The following PPFIA2 variants were observed in gnomAD, a reference collection of about 807,000 sequenced individuals.
PPFIA2 encodes PPFI scaffold protein A2.
In PPFIA2, 46 loss-of-function variants were observed where a neutral mutation model predicts 175.5. The observed-to-expected ratio is 0.26, with a 90% CI of 0.21 to 0.34. PPFIA2 has a LOEUF of 0.34. Among genes scored for constraint, PPFIA2 ranks in the 10% least tolerant of loss-of-function variants. The pLI, the probability that PPFIA2 is intolerant of heterozygous loss-of-function variation, is 1.00. For missense variants in PPFIA2, 1,179 were observed against 1,506.1 expected (o/e 0.78, Z 3.60); for synonymous variants, 568 against 511.4 (o/e 1.11, Z -1.49).
intron 7 of PPFIA2, among the ~76,000 whole-genome samples, chr12:81,421,438 T>C (rs1007259085): frequency 1.3e-5 from 2 of 152,148 alleles, no homozygotes; most frequent in South Asian, 2.1e-4. Context: ...TTGTATTCAA[T>C]TGAAGTTAAG....
At position 81,467,723 on chromosome 12, in the gene PPFIA2, T is replaced by C. The variant is rs369665677; in HGVS notation, c.304-9857A>G. On this transcript the variant is annotated intron_variant, in intron 4 of 32. Transcript: ENST00000549396. Reference sequence around the variant, plus strand: ...TCAAGATGTTTTCTGGTGTCTGAAATGCAATGATAGTATAAAACATATTTG... The same window carrying C: ...TCAAGATGTTTTCTGGTGTCTGAAACGCAATGATAGTATAAAACATATTTG... Among the ~76,000 whole-genome samples the C allele has an allele frequency of 1.3e-4, 20 of 152,204 alleles. No individual in the cohort carries two copies. In the South Asian group the frequency reaches 3.9e-3, roughly 30 times the overall value.
At chr12:81,491,442 T>G (rs183967991) in intron 4 of PPFIA2, among the ~76,000 whole-genome samples, 1 of 152,054 alleles carries the variant, frequency 6.6e-6, no homozygotes, top group East Asian at 1.9e-4. Flanking sequence ...TTGTCTTTAT[T>G]TATTGCTAGA....
intron 24 of PPFIA2, among the ~76,000 whole-genome samples, chr12:81,287,966 A>G (rs563671805): frequency 6.6e-6 from 1 of 151,948 alleles, no homozygotes; most frequent in African/African-American, 2.4e-5. Flanking sequence ...CTGTGCTGCA[A>G]TCTCCCCCAA....
chr12:81,621,587 G>A (rs1354127337), intron 4 of PPFIA2, among the ~76,000 whole-genome samples: 6 of 152,110 alleles, frequency 3.9e-5, no homozygotes, highest in Admixed American at 1.3e-4. Flanking sequence ...AGCTAATTGT[G>A]GTTTATACAG....
At chr12:81,571,315 G>GA (rs2072501392) in intron 4 of PPFIA2, among the ~76,000 whole-genome samples, 1 of 152,000 alleles carries the variant, frequency 6.6e-6, no homozygotes, top group African/African-American at 2.4e-5. Context: ...AAGGAAGAAG[G>GA]AAAAAATATC....
intron 14 of PPFIA2, 118 bp downstream of exon 14, chr12:81,366,990 T>G (rs2033670370): frequency 8.7e-7 from 1 of 1,149,430 alleles, no homozygotes; most frequent in South Asian, 1.8e-5. Context: ...GTTAAAATTG[T>G]TTTACAAAGA....
chr12:81,291,775 A>C (rs1288502004), intron 24 of PPFIA2, among the ~76,000 whole-genome samples: 3 of 152,096 alleles, frequency 2.0e-5, no homozygotes, highest in Non-Finnish European at 2.9e-5. Flanking sequence ...AGGAATCGAT[A>C]AATGAATAAT....
At chr12:81,261,505 A>G (rs2035528206) in intron 32 of PPFIA2, among the ~76,000 whole-genome samples, 1 of 152,078 alleles carries the variant, frequency 6.6e-6, no homozygotes, top group African/African-American at 2.4e-5. Flanking sequence ...ACCATCTCTA[A>G]ATCATTTTCC....
chr12:81,669,916 T>A (rs568387831), intron 4 of PPFIA2, among the ~76,000 whole-genome samples: 109 of 152,152 alleles, frequency 7.2e-4, no homozygotes, highest in African/African-American at 2.4e-3. Flanking sequence ...TTACATTTCA[T>A]AAAACCTGTC....
At chr12:81,515,002 T>G (rs1594310640) in intron 4 of PPFIA2, among the ~76,000 whole-genome samples, 1 of 152,076 alleles carries the variant, frequency 6.6e-6, no homozygotes, top group East Asian at 1.9e-4. Flanking sequence ...ATCTTTAAGA[T>G]CATATACAGC....
chr12:81,443,681 G>A (rs2050652482), intron 6 of PPFIA2, among the ~76,000 whole-genome samples: 2 of 151,840 alleles, frequency 1.3e-5, no homozygotes, highest in African/African-American at 4.8e-5. Flanking sequence ...ACATTCTCTA[G>A]TACCTTCATT....
intron 5 of PPFIA2, among the ~76,000 whole-genome samples, chr12:81,446,976 T>C (rs1038120781): frequency 6.6e-6 from 1 of 152,060 alleles, no homozygotes; most frequent in Admixed American, 6.5e-5. Flanking sequence ...TAAACATGCA[T>C]AAATCAGTAG....
chr12:81,259,881 A>G (rs552150314), intron 32 of PPFIA2: 25 of 391,724 alleles, frequency 6.4e-5, no homozygotes, highest in Non-Finnish European at 1.1e-4. Context: ...AATTTGCTCA[A>G]CTTTGTGGAA....
In PPFIA2 at chr12:81,736,151, T is replaced by C. The variant is rs543592745; in HGVS notation, c.249+17822A>G. ...AACTGTGTTGAATTTATAGACAAAT[T>C]TGGGCATATATGACATCTTAATAAT... On this transcript the variant is annotated intron_variant, in intron 3 of 32. Transcript: ENST00000549396. Among the ~76,000 whole-genome samples the C allele has an allele frequency of 4.6e-5, 7 of 152,110 alleles. No individual in the cohort carries two copies. The South Asian group carries it at 1.4e-3, about 31-fold the overall frequency.
At chr12:81,652,732 C>T (rs1055886171) in intron 4 of PPFIA2, among the ~76,000 whole-genome samples, 1 of 151,978 alleles carries the variant, frequency 6.6e-6, no homozygotes, top group Admixed American at 6.6e-5. Context: ...TTTCTACTTG[C>T]TCTTTGTAGA....
intron 4 of PPFIA2, chr12:81,471,321 T>A (rs536137728): frequency 6.6e-6 from 1 of 151,258 alleles, no homozygotes; most frequent in African/African-American, 2.4e-5. Context: ...AGTTTTATTT[T>A]TATTTATTTA....
chr12:81,704,052 T>C (rs191125855), intron 3 of PPFIA2, among the ~76,000 whole-genome samples: 1 of 152,304 alleles, frequency 6.6e-6, no homozygotes, highest in Admixed American at 6.5e-5. Flanking sequence ...CTAACACAAA[T>C]AACACAGACA....
At chr12:81,668,534 G>A (rs539330476) in intron 4 of PPFIA2, among the ~76,000 whole-genome samples, 40 of 152,042 alleles carry the variant, frequency 2.6e-4, no homozygotes, top group Middle Eastern at 3.4e-3. Context: ...ATCAAAATAC[G>A]AAAATACCAC....
chr12:81,566,352 T>A (rs890183586), intron 4 of PPFIA2, among the ~76,000 whole-genome samples: 1 of 151,742 alleles, frequency 6.6e-6, no homozygotes, highest in African/African-American at 2.4e-5. Flanking sequence ...TAAAACCCCA[T>A]CTGTACTAAG....
Sources: gnomAD v4.1 joint callset for allele counts (sites outside exome capture counted in the v4.1 genomes callset) on GRCh38, gnomAD v4.1.1 for gene constraint, MANE v1.5 for transcripts, NCBI Gene and HGNC (gene_info 2026-07-23, HGNC 2026-07-21) for gene names.